Variants in ZNF282 observed in about 807,000 individuals in gnomAD.
The protein encoded by ZNF282 is HTLV-I U5 repressive element-binding protein 1.
In ZNF282, 30 loss-of-function variants were observed where a neutral mutation model predicts 61.9. That is an observed-to-expected ratio of 0.48 (90% CI 0.36 to 0.66). ZNF282 has a LOEUF of 0.66. Ranked by LOEUF, ZNF282 falls within the 30% of genes least tolerant of loss-of-function variation. The probability of loss-of-function intolerance (pLI) is 0.00; values close to 1 mark genes in which losing one functional copy is unlikely to be tolerated. For synonymous variants in ZNF282, 396 were observed against 405.0 expected (o/e 0.98, Z 0.27); for missense variants, 788 against 941.4 (o/e 0.84, Z 2.13).
Position 149,213,792 on chromosome 7 carries a change from G to T in ZNF282, c.1158G>T (p.Glu386Asp). The change falls in exon 7 of 8, where the codon GAG becomes GAT. Residue 386 changes from glutamate to aspartate, a missense_variant. Physicochemically the swap from Glu to Asp is conservative, Grantham distance 45. Transcript: ENST00000610704. ...GACCACGCGACTCAATGGACGGAGA[G>T]CTTGGATTAGACTCTGGCCCTAGTG... is the stretch of plus-strand genomic sequence containing the variant. ...PWGPRDSMDG[E>D]LGLDSGPSDS... 6.2e-7 allele frequency: 1 copy of T among 1,613,920 alleles called. No homozygotes were observed. The highest frequency in any genetic ancestry group is 8.5e-7 in the Non-Finnish European group (1 of 1,179,936).
intron 7 of ZNF282, 25 bp from the exon 8 acceptor site, chr7:149,223,787 A>AAT: frequency 6.8e-7 from 1 of 1,478,252 alleles, no homozygotes. Context: ...CCCTGTCAGC[A>AAT]TGTCACTTCT....
At chr7:149,199,222 G>C (rs776358132) in intron 2 of ZNF282, among the ~76,000 whole-genome samples, 1 of 152,148 alleles carries the variant, frequency 6.6e-6, no homozygotes, top group African/African-American at 2.4e-5. Context: ...TGCACACTCC[G>C]TATCTTACTC....
In ZNF282 at chr7:149,198,211, C is replaced by CG. The variant is rs1795849216; in HGVS notation, c.166-117dup. On this transcript the variant is annotated intron_variant, in intron 1 of 7. Coordinates refer to ENST00000610704, the MANE Select transcript of ZNF282 (RefSeq NM_003575.4). This position sits in a 1 kb window ranked among gnomAD's most constrained non-coding sequence, Gnocchi z 4.3. ...GGGGGTGTTAGTGTATCCTGAGTTA[C>CG]GGGGGCCTGGCAGAAGAAAGACGAC... 2 of 1,195,334 alleles carry CG rather than the reference C, an allele frequency of 1.7e-6. No individual in the cohort carries two copies. The highest frequency in any genetic ancestry group is 3.1e-5 in the African/African-American group (2 of 65,480). 74.0% of individuals were successfully genotyped at this position (1,195,334 alleles called of 1,614,324 possible). A position where few individuals can be genotyped will look rare whatever the true frequency, so the allele number is the denominator to read the frequency against.
Position 149,198,844 on chromosome 7 carries a change from C to T in ZNF282, c.585+92C>T, listed in dbSNP as rs1289281750. 4.7e-6 allele frequency: 7 copies of T among 1,475,998 alleles called. No homozygotes were observed. In the Admixed American group the frequency reaches 1.4e-4, roughly 29 times the overall value. The allele number at this position is 1,475,998 out of a possible 1,614,324, so 91.4% of individuals were successfully genotyped here. A position where few individuals can be genotyped will look rare whatever the true frequency, so the allele number is the denominator to read the frequency against. The stretch of plus-strand genomic sequence containing the variant: ...TCATTTTGTCAGCCCTTCTCATAAA[C>T]TTCTCTGGCTCCCCGTTATCCAATT... On this transcript the variant is annotated intron_variant, in intron 2 of 7. Transcript: ENST00000610704. This position sits in a 1 kb window ranked among gnomAD's most constrained non-coding sequence, Gnocchi z 4.3.
chr7:149,207,692 G>A (rs939529701), intron 4 of ZNF282, among the ~76,000 whole-genome samples: 2 of 152,224 alleles, frequency 1.3e-5, no homozygotes, highest in Non-Finnish European at 2.9e-5. Flanking sequence ...GGTGTGGTTT[G>A]TTAAAGCCGC....
chr7:149,202,844 C>G (rs1356126132), intron 2 of ZNF282, among the ~76,000 whole-genome samples: 1 of 152,148 alleles, frequency 6.6e-6, no homozygotes, highest in Non-Finnish European at 1.5e-5. Flanking sequence ...TTGCCTGCTG[C>G]ATCCCTGTGC....
In ZNF282 at chr7:149,207,424, G is replaced by C; in HGVS notation, c.786G>C (p.Glu262Asp). 4.5e-6 allele frequency: 7 copies of C among 1,570,310 alleles called. No homozygotes were observed. Among genetic ancestry groups the C allele is most frequent in the Non-Finnish European group, 6.1e-6 (7 of 1,156,372 alleles). Residue 262 changes from glutamate to aspartate, a missense_variant, in exon 4 of 8, where the codon GAG becomes GAC. This residue lies in a region of ZNF282 where 559 missense variants were observed against 642.0 expected (regional missense o/e 0.87). Coordinates refer to ENST00000610704, the MANE Select transcript of ZNF282 (RefSeq NM_003575.4). ...CCAGGGAAGAACCTTGTGTGTGGGAGCAGCGCCACCCCGAAGAGAGAGAAA... is the reference window on the plus strand; with the variant it reads ...CCAGGGAAGAACCTTGTGTGTGGGACCAGCGCCACCCCGAAGAGAGAGAAA... ...AEPREEPCVW[E>D]QRHPEEREIP...
In ZNF282 at chr7:149,223,663, C is replaced by A; in HGVS notation, c.1181-149C>A. The stretch of plus-strand genomic sequence containing the variant: ...TGGCTTCGAACAGGTCGAAGGGCCA[C>A]GTAGATCGTGGCCCAGCACCTTGTG... On this transcript the variant is annotated intron_variant, in intron 7 of 7. Transcript: ENST00000610704. 3 of 862,280 alleles carry A rather than the reference C, an allele frequency of 3.5e-6. No homozygotes were observed. In the South Asian group the frequency reaches 1.1e-4, roughly 32 times the overall value. 53.4% of individuals were successfully genotyped at this position (862,280 alleles called of 1,614,324 possible).
In ZNF282 at chr7:149,224,353, C is replaced by G; in HGVS notation, c.1722C>G (p.Tyr574Ter). 2 of 1,613,924 alleles carry G rather than the reference C, an allele frequency of 1.2e-6. No individual in the cohort carries two copies. Among genetic ancestry groups the G allele is most frequent in the South Asian group, 1.1e-5 (1 of 91,080 alleles). ...TGACGCACCGCGGCGAGCGGCCCTA[C>G]AAGTGCTCGGAGTGCGAGAAGACCT... ...HQMTHRGERP[Y>*]KCSECEKTYS... The change falls in exon 8 of 8, where the codon TAC (tyrosine) becomes TAG (stop). Residue 574 changes from tyrosine (Y) to a stop codon, truncating the protein, a stop_gained. Coordinates refer to ENST00000610704, the MANE Select transcript of ZNF282 (RefSeq NM_003575.4). LOFTEE classifies it high-confidence loss of function.
chr7:149,202,702 C>T lies in ZNF282; in HGVS notation c.585+3950C>T, dbSNP rs182706281. On this transcript the variant is annotated intron_variant, in intron 2 of 7. Coordinates refer to ENST00000610704, the MANE Select transcript of ZNF282 (RefSeq NM_003575.4). ...CTGACCTCAAGTGATCCATCCGCCT[C>T]AGCCTCCCAAAGTGCTGGGATTACA... Among the ~76,000 whole-genome samples, 398 of 152,262 alleles carry T rather than the reference C, an allele frequency of 2.6e-3. 1 individual carries two copies. The highest frequency in any genetic ancestry group is 9.3e-3 in the African/African-American group (388 of 41,558).
intron 2 of ZNF282, among the ~76,000 whole-genome samples, chr7:149,201,314 A>G (rs548249353): frequency 1.3e-5 from 2 of 152,294 alleles, no homozygotes; most frequent in East Asian, 3.9e-4. Context: ...CCCAGGCACC[A>G]TGGTCTTTCA....
chr7:149,218,119 A>AAAAGAGAG (rs1554471224), intron 7 of ZNF282, among the ~76,000 whole-genome samples: 1 of 149,858 alleles, frequency 6.7e-6, no homozygotes, highest in Admixed American at 6.6e-5. Flanking sequence ...AAAAAAAAAA[A>AAAAGAGAG]AGAGAGAGAG....
chr7:149,195,824 G>A (rs572391069), intron 1 of ZNF282, 70 bp downstream of exon 1: 8 of 1,237,778 alleles, frequency 6.5e-6, no homozygotes, highest in Non-Finnish European at 8.1e-6. Flanking sequence ...CCGCGGGACC[G>A]GGCCGCGCCG....
At chr7:149,219,829 A>G (rs1288045728) in intron 7 of ZNF282, among the ~76,000 whole-genome samples, 1 of 151,708 alleles carries the variant, frequency 6.6e-6, no homozygotes, top group African/African-American at 2.4e-5. Context: ...CCTGGGCAAC[A>G]GAGCAAGACT....
chr7:149,215,331 T>A (rs1796146990), intron 7 of ZNF282, among the ~76,000 whole-genome samples: 1 of 151,258 alleles, frequency 6.6e-6, no homozygotes, highest in Non-Finnish European at 1.5e-5. Context: ...GCCTCCCGAG[T>A]AGCTGGGATT....
chr7:149,221,470 C>T (rs1038064367), intron 7 of ZNF282, among the ~76,000 whole-genome samples: 2 of 152,162 alleles, frequency 1.3e-5, no homozygotes, highest in African/African-American at 2.4e-5. Flanking sequence ...GTGGGCTTCC[C>T]GGGAGACAGC....
At chr7:149,213,266 G>A (rs1796113710) in intron 6 of ZNF282, among the ~76,000 whole-genome samples, 1 of 152,188 alleles carries the variant, frequency 6.6e-6, no homozygotes, top group South Asian at 2.1e-4. Context: ...GAGGGAAAGC[G>A]GGGCCTTCCT....
At chr7:149,205,444 A>G (rs1795977978) in intron 2 of ZNF282, among the ~76,000 whole-genome samples, 1 of 152,210 alleles carries the variant, frequency 6.6e-6, no homozygotes, top group Admixed American at 6.5e-5. Flanking sequence ...TCAAAAAATA[A>G]ATAAATAAAA....
intron 6 of ZNF282, among the ~76,000 whole-genome samples, chr7:149,212,706 G>A (rs915713597): frequency 6.6e-6 from 1 of 152,050 alleles, no homozygotes; most frequent in Non-Finnish European, 1.5e-5. Context: ...TCAGCCTCCT[G>A]AGTAGCTGAG....
Sources: allele counts gnomAD v4.1 joint callset (sites outside exome capture counted in the v4.1 genomes callset), GRCh38; gene constraint gnomAD v4.1.1; regional missense constraint gnomAD v4.1.1; non-coding constraint Gnocchi (gnomAD v3.1); transcripts MANE v1.5; gene names NCBI Gene and HGNC (gene_info 2026-07-23, HGNC 2026-07-21).